The following CEP104 variants were observed in gnomAD, a reference collection of about 807,000 sequenced individuals.
The protein encoded by CEP104 is centrosomal protein of 104 kDa.
In CEP104, 84 loss-of-function variants were observed where a neutral mutation model predicts 113.3. That is an observed-to-expected ratio of 0.74 (90% CI 0.62 to 0.89). CEP104 has a LOEUF of 0.89. Ranked by LOEUF, CEP104 falls within the 40% of genes least tolerant of loss-of-function variation. CEP104 has a pLI of 0.00. For synonymous variants in CEP104, 378 were observed against 421.7 expected, an observed-to-expected ratio of 0.90 and a Z score of 1.27; for missense variants, 1,053 against 1,156.6, an observed-to-expected ratio of 0.91 and a Z score of 1.30.
chr1:3,847,597 C>T lies in CEP104; in HGVS notation c.304G>A (p.Asp102Asn). The T allele has an allele frequency of 6.2e-7, 1 of 1,614,080 alleles. No individual in the cohort carries two copies. The highest frequency in any genetic ancestry group is 8.5e-7 in the Non-Finnish European group (1 of 1,180,024). The change falls in exon 4 of 22, where the codon GAT becomes AAT. Residue 102 changes from aspartate to asparagine, a missense_variant. Physicochemically the swap from Asp to Asn is conservative, Grantham distance 23. Coordinates refer to ENST00000378230, the MANE Select transcript of CEP104 (RefSeq NM_014704.4). Reference protein sequence around the residue: ...FRRLGYVSLCDNEKTGCKARE... With the variant: ...FRRLGYVSLCNNEKTGCKARE... ...GCTTTGCAACCTGTCTTTTCATTAT[C>T]ACAGAGAGACACGTAGCTGAAAAAC...
Position 3,815,256 on chromosome 1 carries a change from C to T in CEP104, c.*146G>A, listed in dbSNP as rs1046332909. On this transcript the variant is annotated 3_prime_UTR_variant, in exon 22 of 22. Coordinates refer to ENST00000378230, the MANE Select transcript of CEP104 (RefSeq NM_014704.4). ...ATCGTTTGCACGAGAGCTGACGGCA[C>T]AGACGCGTAAGAGGCGTGCACGGCG... The T allele has an allele frequency of 7.9e-6, 5 of 631,350 alleles. No homozygotes were observed. Among genetic ancestry groups the T allele is most frequent in the Non-Finnish European group, 1.1e-5 (4 of 356,294 alleles). 39.1% of individuals were successfully genotyped at this position (631,350 alleles called of 1,614,324 possible). A position where few individuals can be genotyped will look rare whatever the true frequency, so the allele number is the denominator to read the frequency against.
chr1:3,831,861 G>A (rs1046806602), intron 12 of CEP104, among the ~76,000 whole-genome samples: 2 of 152,092 alleles, frequency 1.3e-5, no homozygotes, highest in Non-Finnish European at 2.9e-5. Flanking sequence ...ATCTCTTATC[G>A]TGCTGGCCTG....
Position 3,829,863 on chromosome 1 carries a change from C to T in CEP104, c.1971G>A (p.Arg657=). The T allele has an allele frequency of 6.2e-7, 1 of 1,614,138 alleles. No individual in the cohort carries two copies. The highest frequency in any genetic ancestry group is 8.5e-7 in the Non-Finnish European group (1 of 1,180,024). Residue 657 remains arginine (R), a synonymous_variant, in exon 14 of 22, where the codon AGG becomes AGA. Coordinates refer to ENST00000378230, the MANE Select transcript of CEP104 (RefSeq NM_014704.4). The part of the protein sequence containing the change: ...YLPPDDSNTR[R]NILYKTIFEG... ...CAAAAATTGTTTTGTAGAGAATGTT[C>T]CTGCGTGTGTTGCTGTCGTCTGGAG... is the stretch of plus-strand genomic sequence containing the variant.
At position 3,839,630 on chromosome 1, in the gene CEP104, TGTTTTA is replaced by T. The variant is rs1196284635; in HGVS notation, c.707_712del (p.Leu236_Lys237del). On this transcript the variant is annotated inframe_deletion, in exon 7 of 22. Coordinates refer to ENST00000378230, the MANE Select transcript of CEP104 (RefSeq NM_014704.4). ...TACCTTTTGCAAATCAGCAATGGCT[TGTTTTA>T]GTTTCTTGGCATAATCATAGCGTTC... 1 of 1,612,298 alleles carries T rather than the reference TGTTTTA, an allele frequency of 6.2e-7. No individual in the cohort carries two copies. Among genetic ancestry groups the T allele is most frequent in the African/African-American group, 1.3e-5 (1 of 74,758 alleles).
In CEP104 at chr1:3,823,099, C is replaced by T. The variant is rs753615500; in HGVS notation, c.2571+75G>A. The T allele has an allele frequency of 1.8e-5, 25 of 1,374,166 alleles. No individual in the cohort carries two copies. The South Asian group carries it at 2.6e-4, about 14-fold the overall frequency. The allele number at this position is 1,374,166 out of a possible 1,614,324, so 85.1% of individuals were successfully genotyped here. A position where few individuals can be genotyped will look rare whatever the true frequency, so the allele number is the denominator to read the frequency against. Reference sequence around the variant, plus strand: ...CTGTGGCTATGGTCCCGCACTGACACCACCACTGTCACCACCACTGCCATC... The same window carrying T: ...CTGTGGCTATGGTCCCGCACTGACATCACCACTGTCACCACCACTGCCATC... On this transcript the variant is annotated intron_variant, in intron 20 of 21. Coordinates refer to ENST00000378230, the MANE Select transcript of CEP104 (RefSeq NM_014704.4). The surrounding 1 kb of genome is among the most constrained non-coding windows in gnomAD (Gnocchi z 4.1).
At chr1:3,834,734 C>G (rs781044694) in intron 11 of CEP104, among the ~76,000 whole-genome samples, 191 bp downstream of exon 11, 8 of 152,164 alleles carry the variant, frequency 5.3e-5, no homozygotes, top group Admixed American at 1.3e-4. Flanking sequence ...TTTCCCAGAC[C>G]CTTCATGTAA....
In CEP104 at chr1:3,827,607, T is replaced by C. The variant is rs544930444; in HGVS notation, c.2152-863A>G. 6.0e-3 allele frequency among the ~76,000 whole-genome samples: 910 copies of C among 152,344 alleles called. 10 individuals carry two copies. Among genetic ancestry groups the C allele is most frequent in the African/African-American group, 0.02 (847 of 41,582 alleles). On this transcript the variant is annotated intron_variant, in intron 15 of 21. Transcript: ENST00000378230. Reference sequence around the variant, plus strand: ...GATGGTGGCGATGGTTGCACAACAATGTGAGAGCACTCCATGCCACCACAG... The same window carrying C: ...GATGGTGGCGATGGTTGCACAACAACGTGAGAGCACTCCATGCCACCACAG...
In CEP104 at chr1:3,826,760, AG is replaced by A; in HGVS notation, c.2152-17del. 1 of 1,613,618 alleles carries A rather than the reference AG, an allele frequency of 6.2e-7. No homozygotes were observed. Among genetic ancestry groups the A allele is most frequent in the South Asian group, 1.1e-5 (1 of 91,072 alleles). ...TTTCTTTTTCCTAAGACACAGAAACAGTGAGGTCAGGGGCAAAGGGCTGCAG... is the reference window on the plus strand; with the variant it reads ...TTTCTTTTTCCTAAGACACAGAAACATGAGGTCAGGGGCAAAGGGCTGCAG... On this transcript the variant is annotated splice_polypyrimidine_tract_variant and intron_variant, in intron 15 of 21. Coordinates refer to ENST00000378230, the MANE Select transcript of CEP104 (RefSeq NM_014704.4).
At chr1:3,828,605 A>G (rs1334637544) in intron 15 of CEP104, among the ~76,000 whole-genome samples, 1 of 152,206 alleles carries the variant, frequency 6.6e-6, no homozygotes, top group Non-Finnish European at 1.5e-5. Flanking sequence ...CTGAGGTGCC[A>G]GCAGGTCCCA....
At chr1:3,840,648 C>T (rs1282102998) in intron 6 of CEP104, among the ~76,000 whole-genome samples, 1 of 152,204 alleles carries the variant, frequency 6.6e-6, no homozygotes, top group Admixed American at 6.5e-5. Context: ...AAGCAATTCT[C>T]ATGCCTCAGC....
intron 2 of CEP104, among the ~76,000 whole-genome samples, chr1:3,850,214 CA>C (rs1334489172): frequency 1.3e-5 from 2 of 152,108 alleles, no homozygotes; most frequent in Non-Finnish European, 2.9e-5. Flanking sequence ...AAAATCCTTC[CA>C]AAAAGGGCCT....
chr1:3,826,443 A>G lies in CEP104; in HGVS notation c.2189-7T>C, dbSNP rs1193264597. On this transcript the variant is annotated splice_polypyrimidine_tract_variant and splice_region_variant and intron_variant, in intron 16 of 21. Coordinates refer to ENST00000378230, the MANE Select transcript of CEP104 (RefSeq NM_014704.4). The stretch of plus-strand genomic sequence containing the variant: ...GCTTTCCCTCCTTGAATGTCTGAAG[A>G]GATTAAAACAATTTAAATAACTTTT... The G allele has an allele frequency of 6.2e-7, 1 of 1,609,298 alleles. No homozygotes were observed. The highest frequency in any genetic ancestry group is 1.7e-5 in the Admixed American group (1 of 59,608).
intron 9 of CEP104, 200 bp from the exon 10 acceptor site, chr1:3,836,892 T>C (rs1467819221): frequency 3.4e-6 from 2 of 584,234 alleles, no homozygotes; most frequent in Non-Finnish European, 6.0e-6. Context: ...GGCTTTCTAT[T>C]ACTTTCTAAA....
chr1:3,843,196 C>A (rs115065436), intron 6 of CEP104: 27,245 of 712,400 alleles, frequency 0.038, 657 homozygotes, highest in Non-Finnish European at 0.052. Context: ...TCATTGTCAT[C>A]CACAGCAGGC....
At chr1:3,829,182 A>C (rs932622397) in intron 15 of CEP104, 84 bp downstream of exon 15, 4 of 956,130 alleles carry the variant, frequency 4.2e-6, no homozygotes, top group African/African-American at 3.4e-5. Flanking sequence ...TCCCATGAAA[A>C]ATAAGTCAAG....
intron 12 of CEP104, 162 bp downstream of exon 12, chr1:3,833,700 C>T (rs1644258616): frequency 5.0e-6 from 3 of 600,432 alleles, no homozygotes; most frequent in Non-Finnish European, 5.4e-6. Context: ...ATGTCTAAGA[C>T]AAAACTGACC....
At chr1:3,851,072 T>C (rs1281584337) in intron 2 of CEP104, among the ~76,000 whole-genome samples, 1 of 152,240 alleles carries the variant, frequency 6.6e-6, no homozygotes, top group Non-Finnish European at 1.5e-5. Flanking sequence ...CTCCTCCTCC[T>C]GCCCTCCAGC....
At position 3,847,393 on chromosome 1, in the gene CEP104, G is replaced by A. The variant is rs183200525; in HGVS notation, c.426+82C>T. 31 of 1,283,766 alleles carry A rather than the reference G, an allele frequency of 2.4e-5. No homozygotes were observed. The African/African-American group carries it at 4.1e-4, about 17-fold the overall frequency. The allele number at this position is 1,283,766 out of a possible 1,614,324, so 79.5% of individuals were successfully genotyped here. A position where few individuals can be genotyped will look rare whatever the true frequency, so the allele number is the denominator to read the frequency against. ...TCTCTTATAAGATCACCTTGAAAAT[G>A]CATCTAAGAAAAGATACGTGACCAC... On this transcript the variant is annotated intron_variant, in intron 4 of 21. Transcript: ENST00000378230.
At chr1:3,849,483 G>A (rs988073157) in intron 2 of CEP104, among the ~76,000 whole-genome samples, 28 of 152,064 alleles carry the variant, frequency 1.8e-4, no homozygotes, top group Middle Eastern at 3.2e-3. Context: ...CTCCCCCTTC[G>A]GCCTCCCAAA....
Sources: allele counts gnomAD v4.1 joint callset (sites outside exome capture counted in the v4.1 genomes callset), GRCh38; gene constraint gnomAD v4.1.1; non-coding constraint Gnocchi (gnomAD v3.1); transcripts MANE v1.5; gene names NCBI Gene and HGNC (gene_info 2026-07-23, HGNC 2026-07-21).